CDH4: variants seen among roughly 807,000 people sequenced by gnomAD.
CDH4 encodes the protein cadherin-4.
A neutral mutation model predicts 86.0 loss-of-function variants in CDH4; 33 were observed. The observed-to-expected ratio is 0.38, with a 90% CI of 0.29 to 0.51. The LOEUF (loss-of-function observed/expected upper bound fraction) is 0.51, where lower values mean the gene tolerates loss of function less well. CDH4 is among the 20% of genes least tolerant of loss of function. The pLI is 0.86. For missense variants in CDH4, 1,114 were observed against 1,307.4 expected (o/e 0.85, Z 2.28); for synonymous variants, 555 against 549.4 (o/e 1.01, Z -0.14).
At chr20:61,809,436 A>T (rs1343738494) in intron 4 of CDH4, among the ~76,000 whole-genome samples, 9 of 152,248 alleles carry the variant, frequency 5.9e-5, no homozygotes. Flanking sequence ...AACTAAAACC[A>T]ATTCCCAGTT....
At chr20:61,635,238 G>T (rs185056535) in intron 2 of CDH4, among the ~76,000 whole-genome samples, 1 of 152,186 alleles carries the variant, frequency 6.6e-6, no homozygotes, top group African/African-American at 2.4e-5. Flanking sequence ...GGGGCCTCAC[G>T]GTTCCACATC....
At chr20:61,876,271 G>A (rs1001422564) in intron 7 of CDH4, among the ~76,000 whole-genome samples, 10 of 152,238 alleles carry the variant, frequency 6.6e-5, no homozygotes, top group Non-Finnish European at 1.2e-4. Flanking sequence ...GGTGTGTGAC[G>A]GGGAAAGCAC....
At chr20:61,932,169 C>A (rs1277367054) in intron 13 of CDH4, among the ~76,000 whole-genome samples, 2 of 152,216 alleles carry the variant, frequency 1.3e-5, no homozygotes, top group African/African-American at 4.8e-5. Context: ...AAGCCATCTC[C>A]CTCCTGCTGC....
chr20:61,674,328 G>C (rs780886849), intron 2 of CDH4, among the ~76,000 whole-genome samples: 1 of 152,202 alleles, frequency 6.6e-6, no homozygotes, highest in South Asian at 2.1e-4. Flanking sequence ...ATGTTGTGTC[G>C]TGCTGGTCAC....
intron 2 of CDH4, among the ~76,000 whole-genome samples, chr20:61,316,925 T>C (rs969181119): frequency 6.6e-6 from 1 of 151,630 alleles, no homozygotes; most frequent in African/African-American, 2.4e-5. Flanking sequence ...CTCAGGTGCG[T>C]GCAGCCTCTG....
intron 8 of CDH4, among the ~76,000 whole-genome samples, chr20:61,897,830 G>A (rs1338210268): frequency 2.6e-5 from 4 of 152,218 alleles, no homozygotes; most frequent in Non-Finnish European, 2.9e-5. Context: ...GCAGGGGAAC[G>A]GCATCTCTTG....
chr20:61,598,291 T>C (rs1277851219), intron 2 of CDH4, among the ~76,000 whole-genome samples: 6 of 151,956 alleles, frequency 3.9e-5, no homozygotes, highest in African/African-American at 1.4e-4. Context: ...CTGCTTCCCA[T>C]GCCTGCCTCC....
chr20:61,934,325 T>TC, intron 15 of CDH4, 105 bp downstream of exon 15: 1 of 1,295,328 alleles, frequency 7.7e-7, no homozygotes, highest in Admixed American at 3.1e-5. Context: ...GCGGCTGCCG[T>TC]GGGTGGGAGG....
At chr20:61,325,898 T>A (rs2084534527) in intron 2 of CDH4, among the ~76,000 whole-genome samples, 2 of 152,142 alleles carry the variant, frequency 1.3e-5, no homozygotes, top group Admixed American at 1.3e-4. Flanking sequence ...GGTTGCCTCT[T>A]TTCCCACCAG....
At chr20:61,745,984 C>T (rs1464885111) in intron 3 of CDH4, among the ~76,000 whole-genome samples, 1 of 152,222 alleles carries the variant, frequency 6.6e-6, no homozygotes, top group Non-Finnish European at 1.5e-5. Context: ...GGGAATGTGC[C>T]TCGACCCACA....
At chr20:61,686,065 T>A (rs1158785401) in intron 2 of CDH4, among the ~76,000 whole-genome samples, 3 of 152,266 alleles carry the variant, frequency 2.0e-5, no homozygotes, top group African/African-American at 7.2e-5. Flanking sequence ...GATGGGATTT[T>A]TTTTTCTTCC....
chr20:61,711,641 C>T (rs73314431), intron 2 of CDH4, among the ~76,000 whole-genome samples: 5,103 of 152,284 alleles, frequency 0.034, 277 homozygotes, highest in African/African-American at 0.12. Context: ...GACTTAAACA[C>T]ACCTGCAAGT....
intron 4 of CDH4, among the ~76,000 whole-genome samples, chr20:61,820,798 A>G (rs1342584102): frequency 6.6e-6 from 1 of 152,098 alleles, no homozygotes; most frequent in East Asian, 1.9e-4. Flanking sequence ...CTCTGCCCTG[A>G]CCTTCAAACC....
rs545270714 is a variant in CDH4, at chr20:61,829,653, G to A, written c.577-15015G>A. 2.2e-3 allele frequency among the ~76,000 whole-genome samples: 329 copies of A among 152,286 alleles called. No individual in the cohort carries two copies. The highest frequency in any genetic ancestry group is 3.8e-3 in the Non-Finnish European group (261 of 68,020). ...GGCTCCTCTGCCAAGCATTAAATAC[G>A]GACTCACCACTGGGGACGGACTTGG... On this transcript the variant is annotated intron_variant, in intron 4 of 15. Coordinates refer to ENST00000614565, the MANE Select transcript of CDH4 (RefSeq NM_001794.5). This position sits in a 1 kb window ranked among gnomAD's most constrained non-coding sequence, Gnocchi z 4.2.
At chr20:61,882,034 C>G (rs1180918271) in intron 7 of CDH4, among the ~76,000 whole-genome samples, 4 of 152,220 alleles carry the variant, frequency 2.6e-5, no homozygotes, top group African/African-American at 9.6e-5. Flanking sequence ...GTGGAAGAGG[C>G]AGGACAGGTC....
At chr20:61,268,143 A>G (rs2084166478) in intron 2 of CDH4, among the ~76,000 whole-genome samples, 1 of 152,242 alleles carries the variant, frequency 6.6e-6, no homozygotes, top group South Asian at 2.1e-4. Flanking sequence ...TGTGTTGGGC[A>G]GCTGGAGAGC....
rs1469755564 is a variant in CDH4 at position 61,506,707 on chromosome 20, G to A, written c.170-236856G>A. Among the ~76,000 whole-genome samples the A allele has an allele frequency of 2.6e-5, 4 of 152,308 alleles. 1 individual carries two copies. Among genetic ancestry groups the A allele is most frequent in the South Asian group, 4.2e-4 (2 of 4,818 alleles). Reference sequence around the variant, plus strand: ...AGGAAAAGGCTGAGCCAACTCTAGCGTAGGGTCGACCTGCACGTTATGAGA... The same window carrying A: ...AGGAAAAGGCTGAGCCAACTCTAGCATAGGGTCGACCTGCACGTTATGAGA... On this transcript the variant is annotated intron_variant, in intron 2 of 15. Transcript: ENST00000614565.
intron 2 of CDH4, among the ~76,000 whole-genome samples, chr20:61,324,188 A>T (rs2084524794): frequency 6.6e-6 from 1 of 152,018 alleles, no homozygotes. Flanking sequence ...GTGGAGACAG[A>T]TTTGCAGAGG....
intron 10 of CDH4, among the ~76,000 whole-genome samples, 176 bp from the exon 11 acceptor site, chr20:61,924,158 G>T (rs1468112214): frequency 6.6e-6 from 1 of 152,122 alleles, no homozygotes; most frequent in Non-Finnish European, 1.5e-5. Flanking sequence ...GGGGGGGAGG[G>T]TGCCAGTCCA....
Sources: allele counts gnomAD v4.1 joint callset (sites outside exome capture counted in the v4.1 genomes callset), GRCh38; gene constraint gnomAD v4.1.1; non-coding constraint Gnocchi (gnomAD v3.1); transcripts MANE v1.5; gene names NCBI Gene and HGNC (gene_info 2026-07-23, HGNC 2026-07-21).